The following CPD variants were observed in gnomAD, a reference collection of about 807,000 sequenced individuals.
The protein encoded by CPD is carboxypeptidase D.
Under a neutral mutation model 138.3 loss-of-function variants are expected in CPD, and 69 were observed. That is an observed-to-expected ratio of 0.50 (90% CI 0.41 to 0.61). CPD has a LOEUF of 0.61. Ranked by LOEUF, CPD falls within the 20% of genes least tolerant of loss-of-function variation. The pLI, the probability that CPD is intolerant of heterozygous loss-of-function variation, is 0.00. For synonymous variants in CPD, 651 were observed against 642.1 expected (o/e 1.01, Z -0.21); for missense variants, 1,432 against 1,733.3 (o/e 0.83, Z 3.09).
intron 12 of CPD, among the ~76,000 whole-genome samples, chr17:30,448,322 C>T (rs1480167619): frequency 6.6e-6 from 1 of 152,084 alleles, no homozygotes; most frequent in Non-Finnish European, 1.5e-5. Flanking sequence ...ATGATCACAC[C>T]ACTGTACTCC....
intron 2 of CPD, among the ~76,000 whole-genome samples, chr17:30,416,646 A>G (rs1474397727): frequency 6.6e-6 from 1 of 152,032 alleles, no homozygotes; most frequent in Non-Finnish European, 1.5e-5. Context: ...ACACTTACCA[A>G]ACTTTTCCCC....
Position 30,442,253 on chromosome 17 carries a change from A to T in CPD, c.2231-55A>T, listed in dbSNP as rs189477531. ...CTAGGAATGTTGCTTACCTTTTGGG[A>T]TCTGAGCTGTTTAGAACTTCTTCAG... On this transcript the variant is annotated intron_variant, in intron 9 of 20. Coordinates refer to ENST00000225719, the MANE Select transcript of CPD (RefSeq NM_001304.5). 1.9e-3 allele frequency: 3,000 copies of T among 1,546,880 alleles called. 4 individuals are homozygous for T. Among genetic ancestry groups the T allele is most frequent in the Non-Finnish European group, 2.3e-3 (2,651 of 1,130,828 alleles).
At position 30,379,719 on chromosome 17, in the gene CPD, AG is replaced by A; in HGVS notation, c.741del (p.Asn248ThrfsTer15). 6.7e-7 allele frequency: 1 copy of A among 1,491,878 alleles called. No individual in the cohort carries two copies. The highest frequency in any genetic ancestry group is 8.8e-7 in the Non-Finnish European group (1 of 1,139,068). 92.4% of individuals were successfully genotyped at this position (1,491,878 alleles called of 1,614,324 possible). A position where few individuals can be genotyped will look rare whatever the true frequency, so the allele number is the denominator to read the frequency against. ...EVRALIEWIRRNKFVLSGNLH... is the reference protein window; with the variant it reads ...EVRALIEWIRXNKFVLSGNLH... ...GCGCGCCCTCATCGAGTGGATCCGCAGGAACAAGTGAGTGTTGCCTGCCCCC... is the reference window on the plus strand; with the variant it reads ...GCGCGCCCTCATCGAGTGGATCCGCAGAACAAGTGAGTGTTGCCTGCCCCC... On this transcript the variant is annotated frameshift_variant, in exon 1 of 21. Transcript: ENST00000225719. LOFTEE classifies it high-confidence loss of function. The surrounding 1 kb of genome is among the most constrained non-coding windows in gnomAD (Gnocchi z 7.0).
chr17:30,395,662 G>A (rs1265483891), intron 2 of CPD, among the ~76,000 whole-genome samples: 1 of 150,648 alleles, frequency 6.6e-6, no homozygotes, highest in Non-Finnish European at 1.5e-5. Flanking sequence ...TAAATTGGAT[G>A]TACTTTTTTC....
At chr17:30,411,796 GTTAGAACATGTTTCT>G (rs998700864) in intron 2 of CPD, among the ~76,000 whole-genome samples, 3 of 152,176 alleles carry the variant, frequency 2.0e-5, no homozygotes, top group African/African-American at 7.2e-5. Context: ...CTTGCGATGG[GTTAGAACATGTTTCT>G]TTAGCTCGGA....
intron 18 of CPD, 99 bp from the exon 19 acceptor site, chr17:30,461,774 TTTTG>T (rs1212386786): frequency 2.3e-5 from 21 of 911,664 alleles, no homozygotes; most frequent in East Asian, 2.2e-4. Context: ...GTGGTTTTTG[TTTTG>T]TTTGTTTGTT....
At chr17:30,437,029 A>G (rs1313167421) in intron 8 of CPD, among the ~76,000 whole-genome samples, 1 of 151,960 alleles carries the variant, frequency 6.6e-6, no homozygotes, top group Non-Finnish European at 1.5e-5. Context: ...AAGAGACTAC[A>G]TATTGTATGA....
intron 18 of CPD, 150 bp downstream of exon 18, chr17:30,461,461 T>G (rs1913472042): frequency 1.9e-6 from 1 of 532,562 alleles, no homozygotes; most frequent in South Asian, 6.4e-5. Context: ...GTTTCCTAAA[T>G]AGATGCCATT....
At chr17:30,449,217 A>G (rs1368190181) in intron 12 of CPD, among the ~76,000 whole-genome samples, 2 of 152,198 alleles carry the variant, frequency 1.3e-5, no homozygotes, top group Non-Finnish European at 2.9e-5. Flanking sequence ...TTTGTGAGTT[A>G]GTACAAAATA....
chr17:30,383,984 C>G (rs1050494884), intron 1 of CPD, among the ~76,000 whole-genome samples: 30 of 151,780 alleles, frequency 2.0e-4, no homozygotes, highest in African/African-American at 7.0e-4. Flanking sequence ...TTCAGTATTT[C>G]TATATAGATA....
intron 2 of CPD, among the ~76,000 whole-genome samples, chr17:30,397,592 G>C (rs1453123776): frequency 6.6e-6 from 1 of 151,648 alleles, no homozygotes; most frequent in Non-Finnish European, 1.5e-5. Context: ...AAAAAAATTA[G>C]CCAGGCATGG....
chr17:30,433,157 CAG>C (rs1272685513), intron 8 of CPD, among the ~76,000 whole-genome samples: 2 of 152,170 alleles, frequency 1.3e-5, no homozygotes, highest in African/African-American at 4.8e-5. Context: ...TGAGATTGTT[CAG>C]AGTTTCTACT....
intron 17 of CPD, among the ~76,000 whole-genome samples, chr17:30,458,827 CT>C (rs1913371536): frequency 6.7e-6 from 1 of 149,844 alleles, no homozygotes; most frequent in African/African-American, 2.5e-5. Flanking sequence ...GATCTTGCCA[CT>C]TCACTTGAGT....
At chr17:30,426,365 G>T (rs915415118) in intron 6 of CPD, among the ~76,000 whole-genome samples, 16 of 152,220 alleles carry the variant, frequency 1.1e-4, no homozygotes, top group African/African-American at 3.9e-4. Flanking sequence ...CTCCCTGAAG[G>T]CTCAGAGGTT....
chr17:30,423,034 T>C lies in CPD; in HGVS notation c.1657+11T>C, dbSNP rs774620076. 2.5e-6 allele frequency: 4 copies of C among 1,583,700 alleles called. No homozygotes were observed. Among genetic ancestry groups the C allele is most frequent in the East Asian group, 2.2e-5 (1 of 44,774 alleles). ...GTGTCCATGAACCAGGTAATTGGTA[T>C]GGTCTTACACATAATTTCAGTAGTG... On this transcript the variant is annotated intron_variant, in intron 5 of 20. Coordinates refer to ENST00000225719, the MANE Select transcript of CPD (RefSeq NM_001304.5).
At chr17:30,427,643 T>C (rs1340255467) in intron 7 of CPD, 85 bp downstream of exon 7, 27 of 1,253,486 alleles carry the variant, frequency 2.2e-5, no homozygotes, top group Non-Finnish European at 2.9e-5. Context: ...TGTAGTGTTA[T>C]GCTTTCTTAA....
chr17:30,459,551 A>G (rs898153062), intron 17 of CPD, among the ~76,000 whole-genome samples: 2 of 151,814 alleles, frequency 1.3e-5, no homozygotes, highest in Non-Finnish European at 2.9e-5. Flanking sequence ...TGATTAATGT[A>G]GGTTTGTTGT....
chr17:30,385,360 T>C, intron 2 of CPD, 124 bp downstream of exon 2: 1 of 1,226,556 alleles, frequency 8.2e-7, no homozygotes, highest in Non-Finnish European at 1.1e-6. Flanking sequence ...ATTTTTATTT[T>C]GAAAATTTCA....
intron 2 of CPD, among the ~76,000 whole-genome samples, chr17:30,388,830 T>C (rs1015890754): frequency 2.0e-5 from 3 of 152,102 alleles, no homozygotes; most frequent in African/African-American, 7.2e-5. Flanking sequence ...GGCCCGGAGC[T>C]GATTGCGGGC....
Sources: gnomAD v4.1 joint callset for allele counts (sites outside exome capture counted in the v4.1 genomes callset) on GRCh38, gnomAD v4.1.1 for gene constraint, Gnocchi (gnomAD v3.1) non-coding constraint, MANE v1.5 for transcripts, NCBI Gene and HGNC (gene_info 2026-07-23, HGNC 2026-07-21) for gene names.